RIOX1: variants seen among roughly 807,000 people sequenced by gnomAD.
RIOX1 encodes the protein ribosomal oxygenase 1.
Under a neutral mutation model 44.6 loss-of-function variants are expected in RIOX1, and 33 were observed. That is an observed-to-expected ratio of 0.74 (90% CI 0.56 to 0.99). RIOX1 has a LOEUF of 0.99. Ranked by LOEUF, RIOX1 falls within the 50% of genes least tolerant of loss-of-function variation. The pLI is 0.00. For synonymous variants in RIOX1, 387 were observed against 395.8 expected, an observed-to-expected ratio of 0.98 and a Z score of 0.26; for missense variants, 821 against 871.7, an observed-to-expected ratio of 0.94 and a Z score of 0.73.
At position 73,492,547 on chromosome 14, in the gene RIOX1, G is replaced by GC; in HGVS notation, c.1535dup (p.Val513CysfsTer4). 1 of 1,613,800 alleles carries GC rather than the reference G, an allele frequency of 6.2e-7. No individual in the cohort carries two copies. Among genetic ancestry groups the GC allele is most frequent in the Non-Finnish European group, 8.5e-7 (1 of 1,179,814 alleles). ...CCAAAGACTTCATTCACGATTCTCTGCCCCCTGTTTTGACTGATAGGGAGA... is the reference window on the plus strand; with the variant it reads ...CCAAAGACTTCATTCACGATTCTCTGCCCCCCTGTTTTGACTGATAGGGAGA... On this transcript the variant is annotated frameshift_variant, in exon 1 of 1. Coordinates refer to ENST00000304061, the MANE Select transcript of RIOX1 (RefSeq NM_024644.5). LOFTEE classifies it high-confidence loss of function. The surrounding 1 kb of genome is among the most constrained non-coding windows in gnomAD (Gnocchi z 4.9).
chr14:73,492,181 G>A lies in RIOX1; in HGVS notation c.1164G>A (p.Gln388=). 6.2e-7 allele frequency: 1 copy of A among 1,613,990 alleles called. No homozygotes were observed. Among genetic ancestry groups the A allele is most frequent in the Non-Finnish European group, 8.5e-7 (1 of 1,179,888 alleles). ...SQDDLGEPVL[Q]TVLEPGDLLY... is the part of the protein sequence containing the mutation. Reference sequence around the variant, plus strand: ...ACGACCTCGGTGAGCCGGTGCTGCAGACCGTGCTGGAACCTGGAGATTTGC... The same window carrying A: ...ACGACCTCGGTGAGCCGGTGCTGCAAACCGTGCTGGAACCTGGAGATTTGC... The change falls in exon 1 of 1, where the codon CAG becomes CAA. Residue 388 remains glutamine (Q), a synonymous_variant. Coordinates refer to ENST00000304061, the MANE Select transcript of RIOX1 (RefSeq NM_024644.5). This position sits in a 1 kb window ranked among gnomAD's most constrained non-coding sequence, Gnocchi z 4.9.
rs748700741 is a variant in RIOX1, at chr14:73,492,663, A to G, written c.1646A>G (p.His549Arg). 1.9e-5 allele frequency: 30 copies of G among 1,613,894 alleles called. No homozygotes were observed. The highest frequency in any genetic ancestry group is 7.7e-5 in the South Asian group (7 of 91,092). ...GAQLTTETEV[H>R]MLQDGIARLV... ...CAGTTGACAACAGAAACAGAAGTCC[A>G]TATGCTTCAGGATGGGATAGCTCGG... is the stretch of plus-strand genomic sequence containing the variant. Residue 549 changes from histidine (H) to arginine (R), a missense_variant, in exon 1 of 1, where the codon CAT becomes CGT. His to Arg is a conservative substitution (Grantham distance 29). Coordinates refer to ENST00000304061, the MANE Select transcript of RIOX1 (RefSeq NM_024644.5). The surrounding 1 kb of genome is among the most constrained non-coding windows in gnomAD (Gnocchi z 4.9).
Position 73,491,556 on chromosome 14 carries a change from C to A in RIOX1, c.539C>A (p.Ala180Asp), listed in dbSNP as rs755831156. The change falls in exon 1 of 1, where the codon GCC becomes GAC. Residue 180 changes from alanine to aspartate, a missense_variant. Ala to Asp is a moderately radical substitution (Grantham distance 126, BLOSUM62 -2). Around this residue, in one of 2 missense-constraint regions of RIOX1, gnomAD observed 554 missense variants for 531.2 expected, o/e 1.04. Coordinates refer to ENST00000304061, the MANE Select transcript of RIOX1 (RefSeq NM_024644.5). ...GTGGATAACACGGGTGGGGAGCCGG[C>A]CTGGGACTCCCCGCTGCGGCGCGTC... is the stretch of plus-strand genomic sequence containing the variant. ...PQVDNTGGEPAWDSPLRRVLA... is the reference protein window; with the variant it reads ...PQVDNTGGEPDWDSPLRRVLA... 2.0e-6 allele frequency: 3 copies of A among 1,538,356 alleles called. No homozygotes were observed. Among genetic ancestry groups the A allele is most frequent in the East Asian group, 2.4e-5 (1 of 40,822 alleles).
chr14:73,490,975 C>G lies in RIOX1; in HGVS notation c.-43C>G. 1 of 1,317,136 alleles carries G rather than the reference C, an allele frequency of 7.6e-7. No homozygotes were observed. The highest frequency in any genetic ancestry group is 9.7e-7 in the Non-Finnish European group (1 of 1,027,318). 81.6% of individuals were successfully genotyped at this position (1,317,136 alleles called of 1,614,324 possible). On this transcript the variant is annotated 5_prime_UTR_variant, in exon 1 of 1. Coordinates refer to ENST00000304061, the MANE Select transcript of RIOX1 (RefSeq NM_024644.5). ...CTGCATTCAGGAACCGCTTTAGCTT[C>G]GCCCCCGGCCGGCCGGGCGGGGAAG...
rs539378707 is a variant in RIOX1 at position 73,491,314 on chromosome 14, C to T, written c.297C>T (p.His99=). ...CAGCCCGGCGAGAGCCATACGGCCA[C>T]CTGGGGCCCGCAGAGCTGCTGGAGG... ...PDAARREPYG[H]LGPAELLEAS... Residue 99 remains histidine (H), a synonymous_variant, in exon 1 of 1, where the codon CAC becomes CAT. Transcript: ENST00000304061. 1.3e-6 allele frequency: 2 copies of T among 1,516,332 alleles called. No homozygotes were observed. Among genetic ancestry groups the T allele is most frequent in the African/African-American group, 1.4e-5 (1 of 70,286 alleles). The allele number at this position is 1,516,332 out of a possible 1,614,324, so 93.9% of individuals were successfully genotyped here. A position where few individuals can be genotyped will look rare whatever the true frequency, so the allele number is the denominator to read the frequency against.
chr14:73,492,574 G>T lies in RIOX1; in HGVS notation c.1557G>T (p.Arg519Ser). ...CCCCTGTTTTGACTGATAGGGAGAG[G>T]GCACTAAGTGTTTACGGGCTTCCAA... ...SLPPVLTDRE[R>S]ALSVYGLPIR... Residue 519 changes from arginine (R) to serine (S), a missense_variant, in exon 1 of 1, where the codon AGG becomes AGT. This residue lies in a region of RIOX1 where 267 missense variants were observed against 340.5 expected (regional missense o/e 0.78). Transcript: ENST00000304061. The surrounding 1 kb of genome is among the most constrained non-coding windows in gnomAD (Gnocchi z 4.9). 2 of 1,613,912 alleles carry T rather than the reference G, an allele frequency of 1.2e-6. No individual in the cohort carries two copies. Among genetic ancestry groups the T allele is most frequent in the South Asian group, 2.2e-5 (2 of 91,076 alleles).
chr14:73,492,392 A>T lies in RIOX1; in HGVS notation c.1375A>T (p.Met459Leu). 1 of 1,613,842 alleles carries T rather than the reference A, an allele frequency of 6.2e-7. No homozygotes were observed. Among genetic ancestry groups the T allele is most frequent in the South Asian group, 1.1e-5 (1 of 91,082 alleles). ...EFRRGLPRDF[M>L]DYMGAQHSDS... Reference sequence around the variant, plus strand: ...TCGGAGGGGTCTGCCCCGAGACTTCATGGATTACATGGGGGCCCAGCATTC... The same window carrying T: ...TCGGAGGGGTCTGCCCCGAGACTTCTTGGATTACATGGGGGCCCAGCATTC... Residue 459 changes from methionine (M) to leucine (L), a missense_variant, in exon 1 of 1, where the codon ATG becomes TTG. Met to Leu is a conservative substitution (Grantham distance 15, BLOSUM62 2). This residue lies in a region of RIOX1 where 267 missense variants were observed against 340.5 expected (regional missense o/e 0.78). Coordinates refer to ENST00000304061, the MANE Select transcript of RIOX1 (RefSeq NM_024644.5). This position sits in a 1 kb window ranked among gnomAD's most constrained non-coding sequence, Gnocchi z 4.9.
chr14:73,493,063 T>TA lies in RIOX1; in HGVS notation c.*121dup. ...TGATAAGCATCAGTGTGCTCACATT[T>TA]ACCTTTATCACTGCTTCAGTGTCAC... On this transcript the variant is annotated 3_prime_UTR_variant, in exon 1 of 1. Transcript: ENST00000304061. The TA allele has an allele frequency of 6.2e-7, 1 of 1,612,752 alleles. No homozygotes were observed. The highest frequency in any genetic ancestry group is 2.2e-5 in the East Asian group (1 of 44,830).
Position 73,492,757 on chromosome 14 carries a change from A to G in RIOX1, c.1740A>G (p.Glu580=). ...AAAACTCCCGTGTGTATCATCTGGA[A>G]GAACCCAAGTGCTTGGAAATATACC... ...TVENSRVYHL[E]EPKCLEIYPQ... Residue 580 remains glutamate (E), a synonymous_variant, in exon 1 of 1, where the codon GAA becomes GAG. Transcript: ENST00000304061. This position sits in a 1 kb window ranked among gnomAD's most constrained non-coding sequence, Gnocchi z 4.9. 2 of 1,613,956 alleles carry G rather than the reference A, an allele frequency of 1.2e-6. No homozygotes were observed. Among genetic ancestry groups the G allele is most frequent in the East Asian group, 4.5e-5 (2 of 44,882 alleles).
rs1458456374 is a variant in RIOX1 at position 73,492,053 on chromosome 14, G to A, written c.1036G>A (p.Ala346Thr). ...GFAPHYDDIE[A>T]FVLQLEGRKL... ...TGCCCCCCACTACGACGACATCGAG[G>A]CCTTCGTGCTGCAGCTGGAAGGTAG... Residue 346 changes from alanine (A) to threonine (T), a missense_variant, in exon 1 of 1, where the codon GCC becomes ACC. Ala to Thr is a moderately conservative substitution (Grantham distance 58). Transcript: ENST00000304061. The surrounding 1 kb of genome is among the most constrained non-coding windows in gnomAD (Gnocchi z 4.9). 7 of 1,614,006 alleles carry A rather than the reference G, an allele frequency of 4.3e-6. No individual in the cohort carries two copies. Among genetic ancestry groups the A allele is most frequent in the Non-Finnish European group, 5.9e-6 (7 of 1,179,890 alleles).
Position 73,493,075 on chromosome 14 carries a change from T to C in RIOX1, c.*132T>C. The C allele has an allele frequency of 6.2e-7, 1 of 1,611,446 alleles. No homozygotes were observed. On this transcript the variant is annotated 3_prime_UTR_variant, in exon 1 of 1. Transcript: ENST00000304061. ...GTGTGCTCACATTTACCTTTATCAC[T>C]GCTTCAGTGTCACAAACCTCGGAAG...
rs1472658716 is a variant in RIOX1, at chr14:73,493,001, T to TG, written c.*58_*59insG. The TG allele has an allele frequency of 2.9e-5, 35 of 1,213,252 alleles. No individual in the cohort carries two copies. In the African/African-American group the frequency reaches 4.1e-4, roughly 14 times the overall value. The allele number at this position is 1,213,252 out of a possible 1,614,324, so 75.2% of individuals were successfully genotyped here. ...TGATTCTCCGCTGCCACTGCTACCT[T>TG]TTTTTTTTTTTTTTCCTTAAACTCA... On this transcript the variant is annotated 3_prime_UTR_variant, in exon 1 of 1. Transcript: ENST00000304061.
chr14:73,493,160 A>G lies in RIOX1; in HGVS notation c.*217A>G, dbSNP rs1485852395. The G allele has an allele frequency of 1.9e-6, 3 of 1,562,854 alleles. No individual in the cohort carries two copies. Among genetic ancestry groups the G allele is most frequent in the African/African-American group, 1.4e-5 (1 of 73,552 alleles). ...AAGGAAAAGGAGAAGTTGGAGGTGGAAAAAAAACCCTTGATCCGTGATCAT... is the reference window on the plus strand; with the variant it reads ...AAGGAAAAGGAGAAGTTGGAGGTGGGAAAAAAACCCTTGATCCGTGATCAT... On this transcript the variant is annotated 3_prime_UTR_variant, in exon 1 of 1. Coordinates refer to ENST00000304061, the MANE Select transcript of RIOX1 (RefSeq NM_024644.5).
At position 73,491,565 on chromosome 14, in the gene RIOX1, C is replaced by T. The variant is rs1458125500; in HGVS notation, c.548C>T (p.Ser183Phe). ...ACGGGTGGGGAGCCGGCCTGGGACT[C>T]CCCGCTGCGGCGCGTCTTGGCCGAG... ...DNTGGEPAWD[S>F]PLRRVLAELN... The change falls in exon 1 of 1, where the codon TCC (serine) becomes TTC (phenylalanine). Residue 183 changes from serine (S) to phenylalanine (F), a missense_variant. Ser to Phe is a radical substitution (Grantham distance 155). This residue lies in a region of RIOX1 where 554 missense variants were observed against 531.2 expected (regional missense o/e 1.04). Coordinates refer to ENST00000304061, the MANE Select transcript of RIOX1 (RefSeq NM_024644.5). The T allele has an allele frequency of 1.3e-6, 2 of 1,540,702 alleles. No individual in the cohort carries two copies. Among genetic ancestry groups the T allele is most frequent in the African/African-American group, 1.4e-5 (1 of 73,006 alleles).
rs370721077 is a variant in RIOX1 at position 73,491,834 on chromosome 14, G to A, written c.817G>A (p.Glu273Lys). Reference sequence around the variant, plus strand: ...CGCTCGCTACATCAACGGACGACGCGAGACCCTGAACCCACCCGGCCGCGC... The same window carrying A: ...CGCTCGCTACATCAACGGACGACGCAAGACCCTGAACCCACCCGGCCGCGC... ...DAARYINGRRETLNPPGRALP... is the reference protein window; with the variant it reads ...DAARYINGRRKTLNPPGRALP... Residue 273 changes from glutamate to lysine, a missense_variant, in exon 1 of 1, where the codon GAG (glutamate) becomes AAG (lysine). By Grantham distance (56) the Glu-to-Lys change is moderately conservative (BLOSUM62 1). This residue lies in a region of RIOX1 where 554 missense variants were observed against 531.2 expected (regional missense o/e 1.04). Transcript: ENST00000304061. The A allele has an allele frequency of 1.9e-6, 3 of 1,608,124 alleles. No homozygotes were observed. In the African/African-American group the frequency reaches 4.0e-5, roughly 22 times the overall value.
At position 73,493,180 on chromosome 14, in the gene RIOX1, G is replaced by T. The variant is rs1885900060; in HGVS notation, c.*237G>T. ...GGTGGAAAAAAAACCCTTGATCCGTGATCATTTCAGAGCACCAACTTCATC... is the reference window on the plus strand; with the variant it reads ...GGTGGAAAAAAAACCCTTGATCCGTTATCATTTCAGAGCACCAACTTCATC... On this transcript the variant is annotated 3_prime_UTR_variant, in exon 1 of 1. Coordinates refer to ENST00000304061, the MANE Select transcript of RIOX1 (RefSeq NM_024644.5). 7.1e-7 allele frequency: 1 copy of T among 1,417,240 alleles called. No individual in the cohort carries two copies. Among genetic ancestry groups the T allele is most frequent in the South Asian group, 1.2e-5 (1 of 86,542 alleles). 87.8% of individuals were successfully genotyped at this position (1,417,240 alleles called of 1,614,324 possible). A position where few individuals can be genotyped will look rare whatever the true frequency, so the allele number is the denominator to read the frequency against.
chr14:73,491,668 C>A lies in RIOX1; in HGVS notation c.651C>A (p.His217Gln), dbSNP rs778314813. ...EWLIAPMPPD[H>Q]FYRRLWEREA... Reference sequence around the variant, plus strand: ...TCATCGCGCCCATGCCGCCAGATCACTTTTACCGGCGCCTATGGGAGCGCG... The same window carrying A: ...TCATCGCGCCCATGCCGCCAGATCAATTTTACCGGCGCCTATGGGAGCGCG... The change falls in exon 1 of 1, where the codon CAC (histidine) becomes CAA (glutamine). Residue 217 changes from histidine (H) to glutamine (Q), a missense_variant. His to Gln is a conservative substitution (Grantham distance 24, BLOSUM62 0). Coordinates refer to ENST00000304061, the MANE Select transcript of RIOX1 (RefSeq NM_024644.5). 6.5e-7 allele frequency: 1 copy of A among 1,550,110 alleles called. No individual in the cohort carries two copies.
rs770092953 is a variant in RIOX1 at position 73,492,538 on chromosome 14, C to T, written c.1521C>T (p.His507=). 1 of 1,613,612 alleles carries T rather than the reference C, an allele frequency of 6.2e-7. No individual in the cohort carries two copies. The highest frequency in any genetic ancestry group is 8.5e-7 in the Non-Finnish European group (1 of 1,179,786). ...ACCAGCGAGCCAAAGACTTCATTCA[C>T]GATTCTCTGCCCCCTGTTTTGACTG... The part of the protein sequence containing the change: ...VADQRAKDFI[H]DSLPPVLTDR... Residue 507 remains histidine, a synonymous_variant, in exon 1 of 1, where the codon CAC becomes CAT. Transcript: ENST00000304061. This position sits in a 1 kb window ranked among gnomAD's most constrained non-coding sequence, Gnocchi z 4.9.
chr14:73,492,901 T>A lies in RIOX1; in HGVS notation c.1884T>A (p.Asp628Glu). The A allele has an allele frequency of 6.2e-7, 1 of 1,613,728 alleles. No homozygotes were observed. Among genetic ancestry groups the A allele is most frequent in the Non-Finnish European group, 8.5e-7 (1 of 1,179,844 alleles). ...DQLSLATTLY[D>E]KGLLLTKMPL... Reference sequence around the variant, plus strand: ...TGTCCTTGGCAACCACGTTGTATGATAAGGGGCTGCTGCTCACTAAGATGC... The same window carrying A: ...TGTCCTTGGCAACCACGTTGTATGAAAAGGGGCTGCTGCTCACTAAGATGC... Residue 628 changes from aspartate to glutamate, a missense_variant, in exon 1 of 1, where the codon GAT becomes GAA. Transcript: ENST00000304061. This position sits in a 1 kb window ranked among gnomAD's most constrained non-coding sequence, Gnocchi z 4.9.
Sources: gnomAD v4.1 joint callset for allele counts on GRCh38, gnomAD v4.1.1 for gene constraint, gnomAD v4.1.1 regional missense constraint, Gnocchi (gnomAD v3.1) non-coding constraint, MANE v1.5 for transcripts, NCBI Gene and HGNC (gene_info 2026-07-23, HGNC 2026-07-21) for gene names.